RBM25: variants seen among roughly 807,000 people sequenced by gnomAD.
RBM25 encodes RNA binding motif protein 25, also known as RNA-binding protein 25.
RBM25 carries 19 observed loss-of-function variants against 120.7 expected under a neutral mutation model. The ratio of observed to expected loss-of-function variants is 0.16; its 90% CI spans 0.11 to 0.23. The LOEUF (loss-of-function observed/expected upper bound fraction) is 0.23. RBM25 is among the 10% of genes least tolerant of loss of function. RBM25 has a pLI of 1.00. For synonymous variants in RBM25, 390 were observed against 326.7 expected (o/e 1.19, Z -2.09); for missense variants, 605 against 1,041.5 (o/e 0.58, Z 5.77).
At chr14:73,086,916 G>C (rs1160911038) in intron 5 of RBM25, among the ~76,000 whole-genome samples, 1 of 152,146 alleles carries the variant, frequency 6.6e-6, no homozygotes, top group Non-Finnish European at 1.5e-5. Context: ...TGTTGGCCAG[G>C]CTGGTCTGGA....
At position 73,077,276 on chromosome 14, in the gene RBM25, ATATT is replaced by A. The variant is rs931329132; in HGVS notation, c.157-86_157-83del. The A allele has an allele frequency of 4.0e-5, 44 of 1,087,390 alleles. No homozygotes were observed. In the African/African-American group the frequency reaches 5.1e-4, roughly 13 times the overall value. The allele number at this position is 1,087,390 out of a possible 1,614,324, so 67.4% of individuals were successfully genotyped here. Reference sequence around the variant, plus strand: ...GCAGAGCTTAAATAATGTGCTATATATATTTATTTAATCCTGATGTTTTTAGCCT... The same window carrying A: ...GCAGAGCTTAAATAATGTGCTATATATATTTAATCCTGATGTTTTTAGCCT... On this transcript the variant is annotated intron_variant, in intron 3 of 18. Transcript: ENST00000261973.
intron 7 of RBM25, among the ~76,000 whole-genome samples, chr14:73,099,117 T>A (rs1467373825): frequency 6.6e-6 from 1 of 152,156 alleles, no homozygotes; most frequent in Non-Finnish European, 1.5e-5. Context: ...GTTGGTATGA[T>A]TAGAAAGCCC....
intron 6 of RBM25, among the ~76,000 whole-genome samples, chr14:73,090,847 T>G (rs1455180271): frequency 1.3e-5 from 2 of 152,206 alleles, no homozygotes; most frequent in Non-Finnish European, 2.9e-5. Flanking sequence ...AATAGACGCT[T>G]ATCTGTCAGT....
At position 73,096,907 on chromosome 14, in the gene RBM25, T is replaced by C. The variant is rs766642426; in HGVS notation, c.544-8T>C. The C allele has an allele frequency of 6.2e-7, 1 of 1,605,752 alleles. No individual in the cohort carries two copies. Among genetic ancestry groups the C allele is most frequent in the South Asian group, 1.1e-5 (1 of 88,704 alleles). On this transcript the variant is annotated splice_region_variant and splice_polypyrimidine_tract_variant and intron_variant, in intron 6 of 18. Coordinates refer to ENST00000261973, the MANE Select transcript of RBM25 (RefSeq NM_021239.3). The stretch of plus-strand genomic sequence containing the variant: ...TTTCTTTCCCCTGAATTTGCTGTTT[T>C]GTTTAAGAATGCAAGGCCAGAAACT...
chr14:73,077,661 G>GA (rs1895454571), intron 4 of RBM25, 125 bp downstream of exon 4: 2 of 830,372 alleles, frequency 2.4e-6, no homozygotes, highest in Non-Finnish European at 3.6e-6. Flanking sequence ...CAGCAAAGGT[G>GA]AAAAAGTACA....
At chr14:73,116,868 G>A (rs1468258663) in intron 18 of RBM25, among the ~76,000 whole-genome samples, 1 of 152,174 alleles carries the variant, frequency 6.6e-6, no homozygotes, top group Non-Finnish European at 1.5e-5. Context: ...TTGAGCTAGT[G>A]TTGTCAAACA....
At chr14:73,101,870 C>A (rs889407972) in intron 9 of RBM25, 1 of 151,908 alleles carries the variant, frequency 6.6e-6, no homozygotes, top group South Asian at 2.1e-4. Context: ...GAGATTTTTC[C>A]CCCTTTAATA....
chr14:73,106,390 A>G (rs1014551697), intron 12 of RBM25, 105 bp downstream of exon 12: 1 of 870,126 alleles, frequency 1.1e-6, no homozygotes, highest in South Asian at 3.2e-5. Flanking sequence ...AAGCTTCTCT[A>G]TTCATGTATA....
intron 10 of RBM25, among the ~76,000 whole-genome samples, chr14:73,105,416 C>A (rs1041515482): frequency 1.3e-5 from 2 of 152,152 alleles, no homozygotes; most frequent in African/African-American, 4.8e-5. Context: ...TTCTGTTTTC[C>A]ACATGTGCCA....
chr14:73,119,517 G>A (rs986101810), intron 18 of RBM25, among the ~76,000 whole-genome samples, 196 bp from the exon 19 acceptor site: 2 of 151,870 alleles, frequency 1.3e-5, no homozygotes, highest in Admixed American at 6.6e-5. Flanking sequence ...CGCTCGCTTC[G>A]GCCTCCCAAA....
intron 4 of RBM25, among the ~76,000 whole-genome samples, chr14:73,079,815 C>T (rs1895516933): frequency 6.6e-6 from 1 of 150,602 alleles, no homozygotes; most frequent in South Asian, 2.1e-4. Context: ...TCTATTACTT[C>T]CATGGGATTT....
At chr14:73,074,991 CTTT>C (rs34580918) in intron 2 of RBM25, among the ~76,000 whole-genome samples, 1 of 137,488 alleles carries the variant, frequency 7.3e-6, no homozygotes, top group Non-Finnish European at 1.6e-5. Flanking sequence ...CACTCCCTGC[CTTT>C]TTTTTTTTTT....
At chr14:73,103,948 T>TCACACACACACACA (rs368961634) in intron 10 of RBM25, among the ~76,000 whole-genome samples, 2 of 91,348 alleles carry the variant, frequency 2.2e-5, no homozygotes, top group Non-Finnish European at 4.9e-5. Flanking sequence ...TCTCTCTCTC[T>TCACACACACACACA]CACACACACA....
chr14:73,094,037 C>T (rs563952603), intron 6 of RBM25, among the ~76,000 whole-genome samples: 43 of 148,132 alleles, frequency 2.9e-4, no homozygotes, highest in Admixed American at 7.4e-4. Flanking sequence ...CTGCAAGCTC[C>T]GCCTCCCGGG....
intron 4 of RBM25, among the ~76,000 whole-genome samples, chr14:73,077,950 A>G (rs1895462575): frequency 6.6e-6 from 1 of 152,128 alleles, no homozygotes; most frequent in Non-Finnish European, 1.5e-5. Context: ...AGGATCTCTT[A>G]AGCTAGGAGT....
rs533516701 is a variant in RBM25 at position 73,064,803 on chromosome 14, A to G, written c.-16+6098A>G. On this transcript the variant is annotated intron_variant, in intron 1 of 18. Transcript: ENST00000261973. ...CAAGCAAGTTTTGGCAGCTCCAAAT[A>G]AAGGGGAATATGTTATGGAAAAATT... Among the ~76,000 whole-genome samples, 396 of 151,494 alleles carry G rather than the reference A, an allele frequency of 2.6e-3. 18 individuals are homozygous for G. Among genetic ancestry groups the G allele is most frequent in the Non-Finnish European group, 4.8e-3 (327 of 67,562 alleles).
chr14:73,086,489 G>A (rs567199238), intron 5 of RBM25, among the ~76,000 whole-genome samples: 1 of 151,130 alleles, frequency 6.6e-6, no homozygotes, highest in Non-Finnish European at 1.5e-5. Context: ...GGTTTTTCCA[G>A]TGTATACTAA....
chr14:73,085,394 T>C (rs1895661852), intron 5 of RBM25, among the ~76,000 whole-genome samples: 1 of 149,216 alleles, frequency 6.7e-6, no homozygotes, highest in African/African-American at 2.4e-5. Flanking sequence ...AGTAGAATGC[T>C]TCTCTATGGA....
rs752400347 is a variant in RBM25, at chr14:73,112,136, G to A, written c.2293-16G>A. On this transcript the variant is annotated splice_polypyrimidine_tract_variant and intron_variant, in intron 16 of 18. Transcript: ENST00000261973. Reference sequence around the variant, plus strand: ...GTTACAATTCTTTAATTCAGTAACCGTGGTTTGTTTTGCAGATACTGATGG... The same window carrying A: ...GTTACAATTCTTTAATTCAGTAACCATGGTTTGTTTTGCAGATACTGATGG... 8.2e-6 allele frequency: 13 copies of A among 1,579,478 alleles called. No individual in the cohort carries two copies. Among genetic ancestry groups the A allele is most frequent in the African/African-American group, 1.4e-5 (1 of 73,340 alleles).
Sources: allele counts gnomAD v4.1 joint callset (sites outside exome capture counted in the v4.1 genomes callset), GRCh38; gene constraint gnomAD v4.1.1; transcripts MANE v1.5; gene names NCBI Gene and HGNC (gene_info 2026-07-23, HGNC 2026-07-21).